Variants in CIC observed in about 807,000 individuals in gnomAD.
CIC encodes capicua transcriptional repressor, also known as protein capicua homolog.
CIC carries 18 observed loss-of-function variants against 115.7 expected under a neutral mutation model. The observed-to-expected ratio is 0.16, with a 90% confidence interval of 0.11 to 0.23. CIC has a LOEUF of 0.23. Ranked by LOEUF, CIC falls within the 10% of genes least tolerant of loss-of-function variation. CIC has a pLI of 1.00. For missense variants in CIC, 2,000 were observed against 2,159.3 expected (o/e 0.93, Z 1.46); for synonymous variants, 1,076 against 923.0 (o/e 1.17, Z -3.01).
In CIC at chr19:42,290,820, G is replaced by A; in HGVS notation, c.4779G>A (p.Val1593=). Residue 1593 remains valine, a synonymous_variant, in exon 11 of 21, where the codon GTG becomes GTA. Transcript: ENST00000681038. ...NVVRPVSSTP[V]PIASKPFPTS... is the part of the protein sequence containing the mutation. ...TGCGGCCTGTCAGCAGCACTCCTGT[G>A]CCCATCGCCTCTAAGCCCTTCCCCA... The A allele has an allele frequency of 1.2e-6, 2 of 1,608,870 alleles. No individual in the cohort carries two copies. The highest frequency in any genetic ancestry group is 8.5e-7 in the Non-Finnish European group (1 of 1,178,024).
Position 42,292,101 on chromosome 19 carries a change from C to T in CIC, c.5629C>T (p.Pro1877Ser). The change falls in exon 13 of 21, where the codon CCG becomes TCG. Residue 1877 changes from proline to serine, a missense_variant. Physicochemically the swap from Pro to Ser is moderately conservative, Grantham distance 74. Coordinates refer to ENST00000681038, the MANE Select transcript of CIC (RefSeq NM_001386298.1). ...QPPSKIIQLT[P>S]VPVSTPSGLV... ...TTCTCCACAGATCATCCAGCTGACC[C>T]CGGTGCCTGTGAGCACACCCAGCGG... 1 of 1,613,934 alleles carries T rather than the reference C, an allele frequency of 6.2e-7. No homozygotes were observed. The highest frequency in any genetic ancestry group is 8.5e-7 in the Non-Finnish European group (1 of 1,180,018).
rs753719289 is a variant in CIC at position 42,293,709 on chromosome 19, GGCA to G, written c.6646_6648del (p.Ser2216del). On this transcript the variant is annotated inframe_deletion, in exon 17 of 21. Coordinates refer to ENST00000681038, the MANE Select transcript of CIC (RefSeq NM_001386298.1). The stretch of plus-strand genomic sequence containing the variant: ...CCCAGCTCCAGCTGTAGCCCCTGGT[GGCA>G]GCAGCGAGAGCAGCAGTGGGCGGGC... The G allele has an allele frequency of 1.1e-5, 17 of 1,612,898 alleles. No individual in the cohort carries two copies. In the South Asian group the frequency reaches 1.9e-4, roughly 18 times the overall value.
intron 2 of CIC, among the ~76,000 whole-genome samples, chr19:42,286,256 G>A (rs1191734089): frequency 6.6e-6 from 1 of 152,152 alleles, no homozygotes; most frequent in African/African-American, 2.4e-5. Flanking sequence ...CCCACAGCCT[G>A]TGCATAGTGA....
At position 42,291,025 on chromosome 19, in the gene CIC, G is replaced by A. The variant is rs990377963; in HGVS notation, c.4984G>A (p.Val1662Met). The A allele has an allele frequency of 3.7e-6, 6 of 1,613,692 alleles. No homozygotes were observed. The highest frequency in any genetic ancestry group is 4.2e-6 in the Non-Finnish European group (5 of 1,179,962). ...HLVAGPLLGT[V>M]GKAPATVTNL... Reference sequence around the variant, plus strand: ...GGTGGCTGGACCCCTGCTGGGCACTGTGGGGAAGGCGCCTGCCACTGTCAC... The same window carrying A: ...GGTGGCTGGACCCCTGCTGGGCACTATGGGGAAGGCGCCTGCCACTGTCAC... The change falls in exon 11 of 21, where the codon GTG becomes ATG. Residue 1662 changes from valine (V) to methionine (M), a missense_variant. Physicochemically the swap from Val to Met is conservative, Grantham distance 21. Around this residue, in one of 8 missense-constraint regions of CIC, gnomAD observed 1,466 missense variants for 1,390.4 expected, o/e 1.05. Coordinates refer to ENST00000681038, the MANE Select transcript of CIC (RefSeq NM_001386298.1).
In CIC at chr19:42,293,108, C is replaced by T; in HGVS notation, c.6349C>T (p.Leu2117=). The T allele has an allele frequency of 1.2e-6, 2 of 1,609,744 alleles. No homozygotes were observed. The highest frequency in any genetic ancestry group is 1.7e-5 in the Admixed American group (1 of 59,426). Residue 2117 remains leucine, a synonymous_variant, in exon 16 of 21, where the codon CTG becomes TTG. Coordinates refer to ENST00000681038, the MANE Select transcript of CIC (RefSeq NM_001386298.1). ...GRPGPAPRQP[L]EPGPVREPTA... ...GCCTGGCCCTGCACCCCGGCAGCCT[C>T]TGGAGCCTGGCCCAGTCCGAGAGCC...
At chr19:42,281,642 C>T (rs1277193862) in intron 2 of CIC, among the ~76,000 whole-genome samples, 1 of 152,178 alleles carries the variant, frequency 6.6e-6, no homozygotes, top group East Asian at 1.9e-4. Context: ...TCCACCCCCA[C>T]CCAGGGTTCC....
chr19:42,290,157 G>A (rs920342006), intron 10 of CIC, 76 bp from the exon 11 acceptor site: 2 of 1,600,172 alleles, frequency 1.2e-6, no homozygotes, highest in Non-Finnish European at 1.7e-6. Context: ...TGACAGGCTG[G>A]ATGGGCATGG....
chr19:42,289,165 GC>G lies in CIC; in HGVS notation c.3862-14del. The G allele has an allele frequency of 6.2e-7, 1 of 1,613,160 alleles. No homozygotes were observed. On this transcript the variant is annotated splice_polypyrimidine_tract_variant and intron_variant, in intron 8 of 20. Coordinates refer to ENST00000681038, the MANE Select transcript of CIC (RefSeq NM_001386298.1). ...GCAGCAGCCCCGCTGAACCCTCTCT[GC>G]CACCTATCCTGCAGATGGTGTCTGG...
In CIC at chr19:42,292,778, G is replaced by T; in HGVS notation, c.6115G>T (p.Ala2039Ser). The T allele has an allele frequency of 6.2e-7, 1 of 1,613,472 alleles. No homozygotes were observed. Among genetic ancestry groups the T allele is most frequent in the African/African-American group, 1.3e-5 (1 of 74,972 alleles). ...TGTGGCCACCAGCACAACCCCACCT[G>T]CAGCCACCATTCTGCCCAAGGGCCC... The part of the protein sequence containing the change: ...YTVATSTTPP[A>S]ATILPKGPPA... The change falls in exon 15 of 21, where the codon GCA becomes TCA. Residue 2039 changes from alanine (A) to serine (S), a missense_variant. By Grantham distance (99) the Ala-to-Ser change is moderately conservative. Coordinates refer to ENST00000681038, the MANE Select transcript of CIC (RefSeq NM_001386298.1).
chr19:42,292,101 C>A lies in CIC; in HGVS notation c.5629C>A (p.Pro1877Thr), dbSNP rs2147292399. 3 of 1,613,934 alleles carry A rather than the reference C, an allele frequency of 1.9e-6. No homozygotes were observed. The highest frequency in any genetic ancestry group is 2.5e-6 in the Non-Finnish European group (3 of 1,180,018). ...TTCTCCACAGATCATCCAGCTGACC[C>A]CGGTGCCTGTGAGCACACCCAGCGG... ...QPPSKIIQLT[P>T]VPVSTPSGLV... is the part of the protein sequence containing the mutation. Residue 1877 changes from proline (P) to threonine (T), a missense_variant, in exon 13 of 21, where the codon CCG (proline) becomes ACG (threonine). Coordinates refer to ENST00000681038, the MANE Select transcript of CIC (RefSeq NM_001386298.1).
Position 42,293,734 on chromosome 19 carries a change from G to A in CIC, c.6665G>A (p.Arg2222Gln), listed in dbSNP as rs749231958. The A allele has an allele frequency of 6.2e-6, 10 of 1,612,738 alleles. No individual in the cohort carries two copies. The highest frequency in any genetic ancestry group is 4.5e-5 in the East Asian group (2 of 44,890). Residue 2222 changes from arginine (R) to glutamine (Q), a missense_variant, in exon 17 of 21, where the codon CGG becomes CAG. Transcript: ENST00000681038. ...GGCAGCAGCGAGAGCAGCAGTGGGC[G>A]GGCAGCCGGGGACACCCCGGAGCGC... ...PGGSSESSSGRAAGDTPERKE... is the reference protein window; with the variant it reads ...PGGSSESSSGQAAGDTPERKE...
Position 42,289,018 on chromosome 19 carries a change from T to G in CIC, c.3789T>G (p.Ala1263=). Residue 1263 remains alanine (A), a synonymous_variant, in exon 8 of 21, where the codon GCT becomes GCG. Coordinates refer to ENST00000681038, the MANE Select transcript of CIC (RefSeq NM_001386298.1). Reference sequence around the variant, plus strand: ...GACCTGGCTCAGCCCGGCCCCGAGCTTTCTCCCACAGCGGGGTACACAGCC... The same window carrying G: ...GACCTGGCTCAGCCCGGCCCCGAGCGTTCTCCCACAGCGGGGTACACAGCC... ...VGGPGSARPR[A]FSHSGVHSLD... is the part of the protein sequence containing the mutation. 6.2e-7 allele frequency: 1 copy of G among 1,613,794 alleles called. No homozygotes were observed. The highest frequency in any genetic ancestry group is 8.5e-7 in the Non-Finnish European group (1 of 1,180,028).
At position 42,288,118 on chromosome 19, in the gene CIC, C is replaced by T. The variant is rs553514891; in HGVS notation, c.3658+143C>T. On this transcript the variant is annotated intron_variant, in intron 7 of 20. Coordinates refer to ENST00000681038, the MANE Select transcript of CIC (RefSeq NM_001386298.1). ...TGGCGACCCTTATCCGTAAAGGAAC[C>T]GGCAGTTGATTCATGTGACGGAGCC... is the stretch of plus-strand genomic sequence containing the variant. The T allele has an allele frequency of 6.8e-5, 62 of 907,102 alleles. 2 individuals carry two copies. Among genetic ancestry groups the T allele is most frequent in the South Asian group, 6.7e-4 (43 of 64,020 alleles). The allele number at this position is 907,102 out of a possible 1,614,324, so 56.2% of individuals were successfully genotyped here.
At chr19:42,285,613 T>C (rs963861785) in intron 2 of CIC, among the ~76,000 whole-genome samples, 2 of 152,176 alleles carry the variant, frequency 1.3e-5, no homozygotes, top group African/African-American at 4.8e-5. Context: ...TCAGGTCAGG[T>C]TGATCCGGAT....
At position 42,272,196 on chromosome 19, in the gene CIC, A is replaced by C; in HGVS notation, c.413A>C (p.Glu138Ala). ...AGSSGVAGAPEERVRTPEEAS... is the reference protein window; with the variant it reads ...AGSSGVAGAPAERVRTPEEAS... Reference sequence around the variant, plus strand: ...AGCAGTGGGGTGGCTGGGGCCCCTGAAGAGCGGGTGCGGACCCCTGAGGAG... The same window carrying C: ...AGCAGTGGGGTGGCTGGGGCCCCTGCAGAGCGGGTGCGGACCCCTGAGGAG... The change falls in exon 2 of 21, where the codon GAA becomes GCA. Residue 138 changes from glutamate to alanine, a missense_variant. Physicochemically the swap from Glu to Ala is moderately radical, Grantham distance 107. Transcript: ENST00000681038. The C allele has an allele frequency of 2.5e-6, 1 of 398,936 alleles. No homozygotes were observed. The highest frequency in any genetic ancestry group is 4.4e-6 in the Non-Finnish European group (1 of 226,314). 24.7% of individuals were successfully genotyped at this position (398,936 alleles called of 1,614,324 possible).
rs775303325 is a variant in CIC at position 42,289,071 on chromosome 19, C to T, written c.3842C>T (p.Ala1281Val). The change falls in exon 8 of 21, where the codon GCG becomes GTG. Residue 1281 changes from alanine (A) to valine (V), a missense_variant. Transcript: ENST00000681038. ...SLDGGEVDSQ[A>V]LQELTQMVSG... is the part of the protein sequence containing the mutation. ...GACGGCGGAGAAGTAGACAGTCAGG[C>T]GCTACAGGAACTGACGCAGGTCTAG... The T allele has an allele frequency of 5.0e-6, 8 of 1,613,614 alleles. No homozygotes were observed. Among genetic ancestry groups the T allele is most frequent in the Middle Eastern group, 3.3e-4 (2 of 6,062 alleles).
At chr19:42,275,790 A>C (rs1325219965) in intron 2 of CIC, among the ~76,000 whole-genome samples, 1 of 152,190 alleles carries the variant, frequency 6.6e-6, no homozygotes, top group Admixed American at 6.5e-5. Context: ...CTGGGATTAC[A>C]GGTGTGAGCC....
At chr19:42,278,217 C>G (rs2037065783) in intron 2 of CIC, among the ~76,000 whole-genome samples, 1 of 152,250 alleles carries the variant, frequency 6.6e-6, no homozygotes, top group African/African-American at 2.4e-5. Flanking sequence ...CGCCTGCTCC[C>G]CAGGAGAGGA....
At chr19:42,291,871 A>T in intron 12 of CIC, 126 bp downstream of exon 12, 3 of 1,350,598 alleles carry the variant, frequency 2.2e-6, no homozygotes, top group Non-Finnish European at 3.2e-6. Context: ...ATCTTCCGTG[A>T]TGTCTCTGTG....
Sources: allele counts gnomAD v4.1 joint callset (sites outside exome capture counted in the v4.1 genomes callset), GRCh38; gene constraint gnomAD v4.1.1; regional missense constraint gnomAD v4.1.1; transcripts MANE v1.5; gene names NCBI Gene and HGNC (gene_info 2026-07-23, HGNC 2026-07-21).